PRKCA: variants seen among roughly 807,000 people sequenced by gnomAD.
PRKCA encodes protein kinase C alpha.
A neutral mutation model predicts 87.0 loss-of-function variants in PRKCA; 27 were observed. The ratio of observed to expected loss-of-function variants is 0.31; its 90% CI spans 0.23 to 0.43. PRKCA has a LOEUF of 0.43. Ranked by LOEUF, PRKCA falls within the 20% of genes least tolerant of loss-of-function variation. PRKCA has a pLI of 1.00. For synonymous variants in PRKCA, 329 were observed against 311.1 expected (o/e 1.06, Z -0.61); for missense variants, 518 against 852.3 (o/e 0.61, Z 4.88).
At chr17:66,737,166 C>T (rs1974053159) in intron 10 of PRKCA, among the ~76,000 whole-genome samples, 1 of 145,270 alleles carries the variant, frequency 6.9e-6, no homozygotes, top group Non-Finnish European at 1.5e-5. Context: ...TCCTGGCTAA[C>T]ACGGTGAAAC....
intron 3 of PRKCA, among the ~76,000 whole-genome samples, chr17:66,625,199 G>A (rs938827353): frequency 6.6e-6 from 1 of 152,226 alleles, no homozygotes; most frequent in Non-Finnish European, 1.5e-5. Flanking sequence ...GTCAAATGTT[G>A]TGTGCTTAAC....
chr17:66,491,131 TG>T (rs1342320939), intron 2 of PRKCA, among the ~76,000 whole-genome samples: 1 of 152,242 alleles, frequency 6.6e-6, no homozygotes, highest in Non-Finnish European at 1.5e-5. Context: ...CAGTGTGATT[TG>T]TGCATTTCCA....
chr17:66,784,371 G>A (rs893028052), intron 14 of PRKCA, among the ~76,000 whole-genome samples: 1 of 152,144 alleles, frequency 6.6e-6, no homozygotes, highest in Admixed American at 6.5e-5. Context: ...TCAGCCTCCC[G>A]AGGAGCTGGG....
intron 3 of PRKCA, among the ~76,000 whole-genome samples, chr17:66,619,828 G>T (rs955146311): frequency 1.3e-5 from 2 of 152,196 alleles, no homozygotes; most frequent in African/African-American, 4.8e-5. Flanking sequence ...GAAGCTGCCT[G>T]TGTCATGTCC....
intron 2 of PRKCA, among the ~76,000 whole-genome samples, chr17:66,483,041 C>T (rs73334735): frequency 0.021 from 3,182 of 152,272 alleles, 101 homozygotes; most frequent in African/African-American, 0.071. Flanking sequence ...TTTTAACAGA[C>T]ACAGATGTGC....
chr17:66,788,658 A>G (rs189076661), intron 15 of PRKCA, among the ~76,000 whole-genome samples, 181 bp from the exon 16 acceptor site: 6 of 152,220 alleles, frequency 3.9e-5, no homozygotes, highest in African/African-American at 1.4e-4. Context: ...ATTCTTGCCA[A>G]TGTCATTTTT....
At chr17:66,704,623 A>C (rs1973146717) in intron 8 of PRKCA, among the ~76,000 whole-genome samples, 1 of 152,238 alleles carries the variant, frequency 6.6e-6, no homozygotes. Flanking sequence ...GTGATCTTGA[A>C]TGAGCTGTTT....
rs533777793 is a variant in PRKCA, at chr17:66,537,203, T to G, written c.288+40920T>G. On this transcript the variant is annotated intron_variant, in intron 3 of 16. Coordinates refer to ENST00000413366, the MANE Select transcript of PRKCA (RefSeq NM_002737.3). The stretch of plus-strand genomic sequence containing the variant: ...CACGGTATTTCAGTCCTTTTGTTCT[T>G]TTTGAGGTCTGTAATTCACCAAAGC... Among the ~76,000 whole-genome samples the G allele has an allele frequency of 1.7e-4, 26 of 152,252 alleles. No homozygotes were observed. In the South Asian group the frequency reaches 5.4e-3, roughly 32 times the overall value.
chr17:66,772,070 T>C (rs1006356225), intron 13 of PRKCA, among the ~76,000 whole-genome samples: 1 of 152,214 alleles, frequency 6.6e-6, no homozygotes, highest in Non-Finnish European at 1.5e-5. Context: ...CCAGTCCTTT[T>C]GGGAGAGCAA....
At chr17:66,627,408 G>A (rs1295516035) in intron 3 of PRKCA, among the ~76,000 whole-genome samples, 1 of 152,202 alleles carries the variant, frequency 6.6e-6, no homozygotes, top group Non-Finnish European at 1.5e-5. Context: ...AAGGGAAAGT[G>A]CATTAGTGTT....
At chr17:66,361,862 C>T (rs1598615740) in intron 2 of PRKCA, among the ~76,000 whole-genome samples, 1 of 152,282 alleles carries the variant, frequency 6.6e-6, no homozygotes, top group East Asian at 1.9e-4. Context: ...CTAAGTGGGA[C>T]TTGGCTCAGT....
At chr17:66,433,954 C>T (rs567012226) in intron 2 of PRKCA, among the ~76,000 whole-genome samples, 1 of 152,254 alleles carries the variant, frequency 6.6e-6, no homozygotes, top group Admixed American at 6.5e-5. Context: ...CATTAGTAGG[C>T]CTTGCCCTGG....
chr17:66,376,689 C>A (rs1050201694), intron 2 of PRKCA, among the ~76,000 whole-genome samples: 2 of 152,008 alleles, frequency 1.3e-5, no homozygotes, highest in East Asian at 3.9e-4. Flanking sequence ...TCCCCTGGCC[C>A]GAGGGTTGGA....
intron 2 of PRKCA, among the ~76,000 whole-genome samples, chr17:66,482,293 A>G (rs953606274): frequency 1.6e-4 from 25 of 152,188 alleles, no homozygotes; most frequent in African/African-American, 6.0e-4. Flanking sequence ...GCATGCAATC[A>G]TTGACTTCAG....
At chr17:66,590,996 G>A (rs530326892) in intron 3 of PRKCA, among the ~76,000 whole-genome samples, 1 of 152,046 alleles carries the variant, frequency 6.6e-6, no homozygotes, top group Non-Finnish European at 1.5e-5. Flanking sequence ...TTATGGCCTG[G>A]GTTCAAATCC....
chr17:66,579,212 G>A (rs958869169), intron 3 of PRKCA, among the ~76,000 whole-genome samples: 7 of 152,292 alleles, frequency 4.6e-5, no homozygotes, highest in Admixed American at 2.0e-4. Context: ...TAGTCATCAC[G>A]ACCATAATTA....
chr17:66,638,783 G>T (rs904778938), intron 3 of PRKCA, among the ~76,000 whole-genome samples: 3 of 152,090 alleles, frequency 2.0e-5, no homozygotes, highest in African/African-American at 7.2e-5. Flanking sequence ...GGGAGGCAGA[G>T]CTTGCAGTGA....
At position 66,648,223 on chromosome 17, in the gene PRKCA, T is replaced by C. The variant is rs373118784; in HGVS notation, c.529+2712T>C. On this transcript the variant is annotated intron_variant, in intron 5 of 16. Coordinates refer to ENST00000413366, the MANE Select transcript of PRKCA (RefSeq NM_002737.3). ...AGGCTCTGCGTTTGGTTGAAGGTTA[T>C]CCCGAAAGGATTACTTCCCAAAGGC... 3.9e-5 allele frequency among the ~76,000 whole-genome samples: 6 copies of C among 152,180 alleles called. No individual in the cohort carries two copies. The East Asian group carries it at 5.8e-4, about 15-fold the overall frequency.
chr17:66,788,763 G>C, intron 15 of PRKCA, 76 bp from the exon 16 acceptor site: 1 of 1,541,468 alleles, frequency 6.5e-7, no homozygotes, highest in South Asian at 1.2e-5. Context: ...TGTAGGCAGA[G>C]CTAGGCAAAT....
Sources: allele counts gnomAD v4.1 joint callset (sites outside exome capture counted in the v4.1 genomes callset), GRCh38; gene constraint gnomAD v4.1.1; transcripts MANE v1.5; gene names NCBI Gene and HGNC (gene_info 2026-07-23, HGNC 2026-07-21).